The following PNKD variants were observed in gnomAD, a reference collection of about 807,000 sequenced individuals.
PNKD encodes PNKD metallo-beta-lactamase domain containing.
In PNKD, 36 loss-of-function variants were observed where a neutral mutation model predicts 45.3. The observed-to-expected ratio is 0.80, with a 90% CI of 0.61 to 1.05. PNKD has a LOEUF of 1.05. Among genes scored for constraint, PNKD ranks in the 50% least tolerant of loss-of-function variants. PNKD has a pLI of 0.00. For missense variants in PNKD, 511 were observed against 506.6 expected, an observed-to-expected ratio of 1.01 and a Z score of -0.08; for synonymous variants, 197 against 210.1, an observed-to-expected ratio of 0.94 and a Z score of 0.54.
In PNKD at chr2:218,280,396, G is replaced by A. The variant is rs994838083; in HGVS notation, c.236+8847G>A. 4 of 398,890 alleles carry A rather than the reference G, an allele frequency of 1.0e-5. No individual in the cohort carries two copies. In the Admixed American group the frequency reaches 1.2e-4, roughly 12 times the overall value. The allele number at this position is 398,890 out of a possible 1,614,324, so 24.7% of individuals were successfully genotyped here. On this transcript the variant is annotated intron_variant, in intron 2 of 9. Transcript: ENST00000273077. ...GCCCACGCCACTGGGGGTTCACTGG[G>A]GGGTCACGATGTAGTGGGGAAGCCA...
chr2:218,278,514 C>T (rs112085296), intron 2 of PNKD: 1 of 1,614,126 alleles, frequency 6.2e-7, no homozygotes, highest in Non-Finnish European at 8.5e-7. Context: ...CTGGGACTCA[C>T]CTGGGTCCCT....
In PNKD at chr2:218,294,484, G is replaced by GC. The variant is rs967247317; in HGVS notation, c.236+22942dup. 2.0e-4 allele frequency among the ~76,000 whole-genome samples: 31 copies of GC among 152,106 alleles called. No homozygotes were observed. The East Asian group carries it at 3.5e-3, about 17-fold the overall frequency. On this transcript the variant is annotated intron_variant, in intron 2 of 9. Coordinates refer to ENST00000273077, the MANE Select transcript of PNKD (RefSeq NM_015488.5). ...GCCAAGGAAGGAACAAACAGACACC[G>GC]CCCCCCCACCAGCCTTCCTTTTTTT...
chr2:218,292,596 G>A (rs1202489393), intron 2 of PNKD: 2 of 151,900 alleles, frequency 1.3e-5, no homozygotes, highest in Non-Finnish European at 2.9e-5. Flanking sequence ...GGGCCTCAGG[G>A]CGCCGCCAGG....
intron 2 of PNKD, among the ~76,000 whole-genome samples, chr2:218,284,770 G>A (rs1692364664): frequency 6.6e-6 from 1 of 152,188 alleles, no homozygotes; most frequent in East Asian, 1.9e-4. Context: ...ACCCTCCACG[G>A]GGTTGCTATA....
intron 2 of PNKD, among the ~76,000 whole-genome samples, chr2:218,314,404 G>A (rs1462283577): frequency 6.6e-6 from 1 of 151,628 alleles, no homozygotes; most frequent in Admixed American, 6.6e-5. Flanking sequence ...TAAATTTTTT[G>A]TAGAGATGAG....
intron 1 of PNKD, chr2:218,271,052 A>C (rs1320734080): frequency 6.2e-6 from 3 of 486,298 alleles, no homozygotes; most frequent in Non-Finnish European, 1.1e-5. Context: ...TTGCAGTTTC[A>C]AAACCTTTTC....
intron 2 of PNKD, among the ~76,000 whole-genome samples, chr2:218,327,334 G>A (rs990334620): frequency 6.6e-6 from 1 of 152,168 alleles, no homozygotes; most frequent in Non-Finnish European, 1.5e-5. Flanking sequence ...TTTCAAGAGT[G>A]GCAGAAGCCT....
chr2:218,296,938 A>G (rs550408479), intron 2 of PNKD, among the ~76,000 whole-genome samples: 1 of 152,304 alleles, frequency 6.6e-6, no homozygotes, highest in African/African-American at 2.4e-5. Flanking sequence ...TTGGCCTCCC[A>G]AAGTGCTGGG....
chr2:218,292,052 C>G (rs1692965003), intron 2 of PNKD, among the ~76,000 whole-genome samples: 1 of 152,068 alleles, frequency 6.6e-6, no homozygotes, highest in Non-Finnish European at 1.5e-5. Context: ...CCTCCCTCTT[C>G]CCTCTTCTCA....
chr2:218,306,528 C>G (rs1280701864), intron 2 of PNKD, among the ~76,000 whole-genome samples: 2 of 152,204 alleles, frequency 1.3e-5, no homozygotes, highest in Non-Finnish European at 2.9e-5. Flanking sequence ...CTCCGAGTAG[C>G]TCCATGCAAA....
chr2:218,344,789 T>C lies in PNKD; in HGVS notation c.985-19T>C, dbSNP rs1197916878. On this transcript the variant is annotated intron_variant, in intron 9 of 9. Transcript: ENST00000273077. Reference sequence around the variant, plus strand: ...TTTCCCAGCTTCTCTCCACCAAACCTGGTTCCTCTCACCCACAGTGCCCAT... The same window carrying C: ...TTTCCCAGCTTCTCTCCACCAAACCCGGTTCCTCTCACCCACAGTGCCCAT... 1 of 1,613,002 alleles carries C rather than the reference T, an allele frequency of 6.2e-7. No individual in the cohort carries two copies. Among genetic ancestry groups the C allele is most frequent in the Non-Finnish European group, 8.5e-7 (1 of 1,179,114 alleles).
At chr2:218,307,242 A>G (rs967522300) in intron 2 of PNKD, among the ~76,000 whole-genome samples, 20 of 151,952 alleles carry the variant, frequency 1.3e-4, no homozygotes, top group African/African-American at 4.6e-4. Flanking sequence ...GGGGGAGGCA[A>G]TGGGGTTAGG....
intron 2 of PNKD, among the ~76,000 whole-genome samples, chr2:218,311,507 C>T (rs553492091): frequency 6.6e-5 from 10 of 152,272 alleles, no homozygotes; most frequent in Non-Finnish European, 1.5e-4. Context: ...GCAAAGGAAT[C>T]TGTATCATGA....
intron 2 of PNKD, chr2:218,277,941 G>C: frequency 6.2e-7 from 1 of 1,614,150 alleles, no homozygotes; most frequent in East Asian, 2.2e-5. Context: ...TTACAAAAAG[G>C]GTCAGCAGAA....
intron 2 of PNKD, among the ~76,000 whole-genome samples, chr2:218,333,285 A>G (rs1694384437): frequency 6.6e-6 from 1 of 152,256 alleles, no homozygotes; most frequent in Non-Finnish European, 1.5e-5. Context: ...AGTGACAAGG[A>G]GGGGCCTTGT....
intron 2 of PNKD, among the ~76,000 whole-genome samples, chr2:218,333,729 G>A (rs1190842106): frequency 1.3e-5 from 2 of 152,154 alleles, no homozygotes; most frequent in Non-Finnish European, 2.9e-5. Flanking sequence ...AGCCCATGTA[G>A]CGAGAAATGA....
At chr2:218,279,431 T>C in intron 2 of PNKD, 1 of 1,311,686 alleles carries the variant, frequency 7.6e-7, no homozygotes, top group Non-Finnish European at 1.0e-6. Context: ...CCCCAGTACT[T>C]TCCTCCCACT....
Position 218,344,359 on chromosome 2 carries a change from G to A in PNKD, c.869-96G>A, listed in dbSNP as rs564041275. 48 of 860,018 alleles carry A rather than the reference G, an allele frequency of 5.6e-5. No individual in the cohort carries two copies. In the African/African-American group the frequency reaches 7.5e-4, roughly 13 times the overall value. The allele number at this position is 860,018 out of a possible 1,614,324, so 53.3% of individuals were successfully genotyped here. On this transcript the variant is annotated intron_variant, in intron 8 of 9. Transcript: ENST00000273077. ...GTGCTGACCTCATCCCTAGTTGTCAGGTGCCCATCAGCCTGGACCTGGGGC... is the reference window on the plus strand; with the variant it reads ...GTGCTGACCTCATCCCTAGTTGTCAAGTGCCCATCAGCCTGGACCTGGGGC...
At chr2:218,323,340 G>T (rs1031758907) in intron 2 of PNKD, 1 of 1,579,796 alleles carries the variant, frequency 6.3e-7, no homozygotes. Flanking sequence ...CCTTGTCCTC[G>T]TCCTACTTGT....
Sources: gnomAD v4.1 joint callset for allele counts (sites outside exome capture counted in the v4.1 genomes callset) on GRCh38, gnomAD v4.1.1 for gene constraint, MANE v1.5 for transcripts, NCBI Gene and HGNC (gene_info 2026-07-23, HGNC 2026-07-21) for gene names.